Variants in SLC5A4 observed in about 807,000 individuals in gnomAD.
The protein encoded by SLC5A4 is probable glucose sensor protein SLC5A4.
SLC5A4 carries 55 observed loss-of-function variants against 70.3 expected under a neutral mutation model. The observed-to-expected ratio is 0.78, with a 90% confidence interval of 0.63 to 0.98. The LOEUF (loss-of-function observed/expected upper bound fraction) is 0.98. Ranked by LOEUF, SLC5A4 falls within the 50% of genes least tolerant of loss-of-function variation. The probability of loss-of-function intolerance (pLI) is 0.00; values close to 1 mark genes in which losing one functional copy is unlikely to be tolerated. For synonymous variants in SLC5A4, 268 were observed against 305.7 expected (o/e 0.88, Z 1.29); for missense variants, 735 against 839.2 (o/e 0.88, Z 1.53).
At chr22:32,292,928 G>T in the SLC5A4 span, among the ~76,000 whole-genome samples, 1 of 152,086 alleles carries the variant, frequency 6.6e-6, no homozygotes, top group Non-Finnish European at 1.5e-5. Context: ...TATCAGTTTT[G>T]CTATACATAT....
the SLC5A4 span, among the ~76,000 whole-genome samples, chr22:32,306,338 G>A: frequency 0.63 from 94,383 of 150,812 alleles, 29,634 homozygotes; most frequent in East Asian, 0.7. Context: ...GGTGGCAGGT[G>A]CCTGCTAGTC....
chr22:32,242,940 G>A (rs376959220), intron 5 of SLC5A4, among the ~76,000 whole-genome samples: 1 of 152,278 alleles, frequency 6.6e-6, no homozygotes, highest in African/African-American at 2.4e-5. Flanking sequence ...ATTTATGAAT[G>A]CTAAATCTAG....
the SLC5A4 span, among the ~76,000 whole-genome samples, chr22:32,309,537 T>G: frequency 6.6e-6 from 1 of 152,128 alleles, no homozygotes; most frequent in Non-Finnish European, 1.5e-5. Flanking sequence ...TCAGGGACAC[T>G]CTACTCATTG....
In SLC5A4 at chr22:32,228,496, C is replaced by A. The variant is rs142922396; in HGVS notation, c.1280+698G>T. On this transcript the variant is annotated intron_variant, in intron 11 of 14. Transcript: ENST00000266086. ...GGCGGCGGTTCCAGTGAACTGGGAG[C>A]ATGCCATTGCACTCCAGCCTGGGCA... is the stretch of plus-strand genomic sequence containing the variant. Among the ~76,000 whole-genome samples, 612 of 151,110 alleles carry A rather than the reference C, an allele frequency of 4.1e-3. 4 individuals carry two copies. The highest frequency in any genetic ancestry group is 0.014 in the African/African-American group (579 of 41,016).
the SLC5A4 span, chr22:32,270,622 G>A: frequency 2.7e-6 from 2 of 735,584 alleles, no homozygotes; most frequent in Non-Finnish European, 5.1e-6. Context: ...GGGCCCCACG[G>A]TCTTTGCCGA....
the SLC5A4 span, among the ~76,000 whole-genome samples, chr22:32,297,523 G>A: frequency 3.7e-4 from 30 of 81,102 alleles, no homozygotes; most frequent in African/African-American, 1.2e-3. Context: ...TTTTTATTGT[G>A]TCTATTTGAT....
chr22:32,303,490 G>C, the SLC5A4 span, among the ~76,000 whole-genome samples: 3 of 152,226 alleles, frequency 2.0e-5, no homozygotes, highest in African/African-American at 7.2e-5. Context: ...CATGGCATTT[G>C]TCTCATGTGA....
chr22:32,328,094 ACAAACACACACACAC>A, the SLC5A4 span, among the ~76,000 whole-genome samples: 1 of 101,558 alleles, frequency 9.8e-6, no homozygotes, highest in African/African-American at 3.0e-5. Flanking sequence ...CCCCCAACAC[ACAAACACACACACAC>A]CAGAGCCCCC....
chr22:32,331,294 G>C, the SLC5A4 span, among the ~76,000 whole-genome samples: 1 of 151,920 alleles, frequency 6.6e-6, no homozygotes, highest in African/African-American at 2.4e-5. Flanking sequence ...CTGGCTGTTT[G>C]ACTTTGGACA....
the SLC5A4 span, among the ~76,000 whole-genome samples, chr22:32,268,018 G>A: frequency 2.0e-5 from 3 of 152,128 alleles, no homozygotes; most frequent in Admixed American, 6.5e-5. Context: ...CAGGTACTTG[G>A]GAAGCTGAGG....
intron 9 of SLC5A4, among the ~76,000 whole-genome samples, chr22:32,231,801 G>A (rs945477728): frequency 6.6e-6 from 1 of 152,060 alleles, no homozygotes; most frequent in Non-Finnish European, 1.5e-5. Flanking sequence ...CAAGTTTTGA[G>A]ATAGTCTTCA....
At chr22:32,337,623 G>A in the SLC5A4 span, among the ~76,000 whole-genome samples, 3 of 152,360 alleles carry the variant, frequency 2.0e-5, no homozygotes, top group African/African-American at 7.2e-5. Flanking sequence ...TATGTGAGGA[G>A]ATAAATACAC....
the SLC5A4 span, among the ~76,000 whole-genome samples, chr22:32,348,267 G>T: frequency 8.5e-5 from 13 of 152,206 alleles, no homozygotes; most frequent in Non-Finnish European, 1.9e-4. Flanking sequence ...CTCCATTTCT[G>T]TGGCTACTGG....
At chr22:32,255,156 C>G (rs201814672) in intron 1 of SLC5A4, 39 bp downstream of exon 1, 1 of 1,605,148 alleles carries the variant, frequency 6.2e-7, no homozygotes, top group Non-Finnish European at 8.5e-7. Flanking sequence ...CCCTCCTAAA[C>G]CTTGTGCCCA....
chr22:32,285,595 G>A, the SLC5A4 span, among the ~76,000 whole-genome samples: 1 of 151,968 alleles, frequency 6.6e-6, no homozygotes, highest in African/African-American at 2.4e-5. Context: ...CGGGTATCTG[G>A]TCTTGGTTAG....
chr22:32,255,447 A>G (rs1927430500), upstream of SLC5A4: 2 of 1,067,944 alleles, frequency 1.9e-6, no homozygotes, highest in East Asian at 2.4e-5. Context: ...GGATATGGAG[A>G]CCTTTAAACC....
At position 32,251,898 on chromosome 22, in the gene SLC5A4, G is replaced by A. The variant is rs755700622; in HGVS notation, c.208-24C>T. 3.2e-6 allele frequency: 5 copies of A among 1,545,164 alleles called. No homozygotes were observed. The South Asian group carries it at 3.3e-5, about 10-fold the overall frequency. On this transcript the variant is annotated intron_variant, in intron 2 of 14. Coordinates refer to ENST00000266086, the MANE Select transcript of SLC5A4 (RefSeq NM_014227.3). Reference sequence around the variant, plus strand: ...ATCTGGAATGCAAGAGAACAGACTAGGGTTGGAGTTAAAAGATCCAAATCA... The same window carrying A: ...ATCTGGAATGCAAGAGAACAGACTAAGGTTGGAGTTAAAAGATCCAAATCA...
the SLC5A4 span, among the ~76,000 whole-genome samples, chr22:32,354,408 T>C: frequency 2.5e-4 from 37 of 150,066 alleles, no homozygotes; most frequent in Admixed American, 9.9e-4. Context: ...AGTGCAGCTA[T>C]GGATAATGCC....
chr22:32,244,881 AC>A (rs1016399052), intron 5 of SLC5A4, among the ~76,000 whole-genome samples: 2 of 152,200 alleles, frequency 1.3e-5, no homozygotes, highest in Non-Finnish European at 2.9e-5. Flanking sequence ...CATAAAATTT[AC>A]CATTTTAACC....
Sources: gnomAD v4.1 joint callset for allele counts (sites outside exome capture counted in the v4.1 genomes callset) on GRCh38, gnomAD v4.1.1 for gene constraint, MANE v1.5 for transcripts, NCBI Gene and HGNC (gene_info 2026-07-23, HGNC 2026-07-21) for gene names.